Variants in KCNIP1 observed in about 807,000 individuals in gnomAD.
The protein encoded by KCNIP1 is A-type potassium channel modulatory protein KCNIP1.
In KCNIP1, 18 loss-of-function variants were observed where a neutral mutation model predicts 33.0. The observed-to-expected ratio is 0.55, with a 90% CI of 0.38 to 0.81. The LOEUF (loss-of-function observed/expected upper bound fraction) is 0.81. Ranked by LOEUF, KCNIP1 falls within the 30% of genes least tolerant of loss-of-function variation. The pLI is 0.00. For synonymous variants in KCNIP1, 93 were observed against 98.3 expected, an observed-to-expected ratio of 0.95 and a Z score of 0.32; for missense variants, 238 against 271.6, an observed-to-expected ratio of 0.88 and a Z score of 0.87.
intron 1 of KCNIP1, among the ~76,000 whole-genome samples, chr5:170,524,629 G>A (rs1755500163): frequency 6.6e-6 from 1 of 152,116 alleles, no homozygotes; most frequent in Non-Finnish European, 1.5e-5. Context: ...CCTGCTGCCT[G>A]TCCCAAGATG....
intron 1 of KCNIP1, among the ~76,000 whole-genome samples, chr5:170,651,580 T>C (rs759822962): frequency 2.0e-5 from 3 of 152,200 alleles, no homozygotes; most frequent in Non-Finnish European, 4.4e-5. Flanking sequence ...TTGCCATCTA[T>C]AATCTTCTAC....
At chr5:170,710,843 C>T (rs1314591969) in intron 1 of KCNIP1, among the ~76,000 whole-genome samples, 1 of 152,228 alleles carries the variant, frequency 6.6e-6, no homozygotes, top group African/African-American at 2.4e-5. Flanking sequence ...CCCTTGAAGC[C>T]TTCTCTGACA....
chr5:170,732,081 A>C (rs886237684), intron 5 of KCNIP1, among the ~76,000 whole-genome samples: 12 of 152,274 alleles, frequency 7.9e-5, no homozygotes, highest in Non-Finnish European at 1.5e-4. Context: ...GTAAGTCTAA[A>C]ATTATTCATA....
intron 1 of KCNIP1, among the ~76,000 whole-genome samples, chr5:170,423,524 A>C (rs1242620938): frequency 6.6e-6 from 1 of 152,166 alleles, no homozygotes; most frequent in Non-Finnish European, 1.5e-5. Flanking sequence ...TTGTCTTTAG[A>C]GGATCTTCTT....
intron 5 of KCNIP1, among the ~76,000 whole-genome samples, chr5:170,724,256 C>T (rs1407467227): frequency 1.3e-5 from 2 of 152,128 alleles, no homozygotes; most frequent in Non-Finnish European, 2.9e-5. Flanking sequence ...GAGGATGGAA[C>T]ATTTCCCAGC....
intron 1 of KCNIP1, among the ~76,000 whole-genome samples, chr5:170,521,681 G>A (rs1755368747): frequency 6.6e-6 from 1 of 152,194 alleles, no homozygotes; most frequent in South Asian, 2.1e-4. Context: ...AAGAGATGGT[G>A]TTTGAATATA....
chr5:170,649,304 T>C (rs556910608), intron 1 of KCNIP1, among the ~76,000 whole-genome samples: 1 of 152,250 alleles, frequency 6.6e-6, no homozygotes, highest in South Asian at 2.1e-4. Context: ...AAAATGAAAA[T>C]AAAAATAGAT....
intron 1 of KCNIP1, among the ~76,000 whole-genome samples, chr5:170,454,038 A>G (rs1756316529): frequency 6.6e-6 from 1 of 152,250 alleles, no homozygotes; most frequent in African/African-American, 2.4e-5. Context: ...AAACTGTCAC[A>G]TCATAAAGGT....
intron 1 of KCNIP1, among the ~76,000 whole-genome samples, chr5:170,717,770 T>C (rs572859269): frequency 6.6e-6 from 1 of 152,332 alleles, no homozygotes; most frequent in African/African-American, 2.4e-5. Context: ...GGTCTGTGCA[T>C]ATTCCCAGCA....
intron 1 of KCNIP1, among the ~76,000 whole-genome samples, chr5:170,564,072 C>G (rs1757127838): frequency 6.6e-6 from 1 of 152,192 alleles, no homozygotes; most frequent in Admixed American, 6.5e-5. Flanking sequence ...TCACAGTGCA[C>G]TGTAAACACA....
intron 1 of KCNIP1, chr5:170,421,873 G>A (rs1460074419): frequency 1.3e-5 from 2 of 152,152 alleles, no homozygotes; most frequent in Non-Finnish European, 2.9e-5. Context: ...CTTGATTAGG[G>A]TCAATGTTAT....
chr5:170,465,003 A>G (rs1374263203), intron 1 of KCNIP1, among the ~76,000 whole-genome samples: 1 of 152,176 alleles, frequency 6.6e-6, no homozygotes, highest in Non-Finnish European at 1.5e-5. Context: ...CCTGTGTGCC[A>G]CAAGTGCTCT....
At chr5:170,712,397 T>C (rs1440347681) in intron 1 of KCNIP1, among the ~76,000 whole-genome samples, 2 of 152,168 alleles carry the variant, frequency 1.3e-5, no homozygotes, top group East Asian at 1.9e-4. Flanking sequence ...TTGACAGTTA[T>C]TGGGTGGAGT....
intron 1 of KCNIP1, among the ~76,000 whole-genome samples, chr5:170,456,223 A>G (rs1424292736): frequency 6.6e-6 from 1 of 152,084 alleles, no homozygotes; most frequent in Non-Finnish European, 1.5e-5. Context: ...ATAAACAAAC[A>G]CCACATATTC....
At chr5:170,433,866 C>T (rs1392435927) in intron 1 of KCNIP1, among the ~76,000 whole-genome samples, 1 of 152,218 alleles carries the variant, frequency 6.6e-6, no homozygotes, top group Non-Finnish European at 1.5e-5. Flanking sequence ...TTTCACAGCT[C>T]ATCGGGGCAG....
intron 1 of KCNIP1, chr5:170,375,235 T>G (rs1230766764): frequency 6.6e-6 from 1 of 152,242 alleles, no homozygotes; most frequent in Non-Finnish European, 1.5e-5. Context: ...TGCAAAACTA[T>G]AGTACAATAT....
intron 1 of KCNIP1, among the ~76,000 whole-genome samples, chr5:170,596,104 G>A (rs770110419): frequency 3.9e-5 from 6 of 152,134 alleles, no homozygotes; most frequent in Non-Finnish European, 8.8e-5. Context: ...ACGGGGCTTC[G>A]AAAGCAGCAG....
chr5:170,693,949 A>G (rs971901115), intron 1 of KCNIP1, among the ~76,000 whole-genome samples: 1 of 152,164 alleles, frequency 6.6e-6, no homozygotes, highest in Non-Finnish European at 1.5e-5. Context: ...AATGTGGTGG[A>G]GAGCAGCCCC....
chr5:170,427,056 G>A (rs1470355874), intron 1 of KCNIP1, among the ~76,000 whole-genome samples: 9 of 152,246 alleles, frequency 5.9e-5, no homozygotes, highest in Non-Finnish European at 1.3e-4. Flanking sequence ...AGCCCAAGGA[G>A]GGCTGGAGCA....
Sources: allele counts gnomAD v4.1 joint callset (sites outside exome capture counted in the v4.1 genomes callset), GRCh38; gene constraint gnomAD v4.1.1; transcripts MANE v1.5; gene names NCBI Gene and HGNC (gene_info 2026-07-23, HGNC 2026-07-21).